Variants in FILIP1 observed in about 807,000 individuals in gnomAD.
FILIP1 encodes filamin-A-interacting protein 1.
FILIP1 carries 61 observed loss-of-function variants against 102.1 expected under a neutral mutation model. That is an observed-to-expected ratio of 0.60 (90% CI 0.49 to 0.74). The LOEUF (loss-of-function observed/expected upper bound fraction) is 0.74, where lower values mean the gene tolerates loss of function less well. Ranked by LOEUF, FILIP1 falls within the 30% of genes least tolerant of loss-of-function variation. The pLI, the probability that FILIP1 is intolerant of heterozygous loss-of-function variation, is 0.00. For missense variants in FILIP1, 1,314 were observed against 1,441.2 expected, an observed-to-expected ratio of 0.91 and a Z score of 1.43; for synonymous variants, 491 against 526.9, an observed-to-expected ratio of 0.93 and a Z score of 0.93.
chr6:75,379,700 C>T (rs1438776970), intron 2 of FILIP1, among the ~76,000 whole-genome samples: 1 of 152,184 alleles, frequency 6.6e-6, no homozygotes, highest in East Asian at 1.9e-4. Flanking sequence ...CTCAGACTCT[C>T]CAGGCACGCT....
intron 6 of FILIP1, chr6:75,296,811 G>T (rs1772695504): frequency 1.3e-5 from 2 of 152,030 alleles, no homozygotes; most frequent in Admixed American, 1.3e-4. Flanking sequence ...AAACTAGATT[G>T]AGGTAGTAAT....
intron 1 of FILIP1, among the ~76,000 whole-genome samples, chr6:75,453,694 C>T (rs902351249): frequency 6.6e-6 from 1 of 152,128 alleles, no homozygotes; most frequent in African/African-American, 2.4e-5. Context: ...CACCTCTAGT[C>T]CTAGCTACTC....
chr6:75,343,786 C>T (rs776367104), intron 4 of FILIP1, among the ~76,000 whole-genome samples: 5 of 152,142 alleles, frequency 3.3e-5, no homozygotes, highest in Non-Finnish European at 2.9e-5. Context: ...TACTATTGCA[C>T]TATAATACAT....
intron 1 of FILIP1, among the ~76,000 whole-genome samples, chr6:75,472,065 G>C (rs1213239708): frequency 1.3e-5 from 2 of 152,098 alleles, no homozygotes; most frequent in Non-Finnish European, 2.9e-5. Flanking sequence ...ACAAAGTACT[G>C]CAAGCAATTT....
chr6:75,372,782 GA>G (rs1359741398), intron 2 of FILIP1, among the ~76,000 whole-genome samples: 2 of 82,236 alleles, frequency 2.4e-5, no homozygotes, highest in East Asian at 3.0e-4. Context: ...AAGAAAGAAA[GA>G]AAGAAAGAAA....
At chr6:75,440,089 T>G (rs543841656) in intron 1 of FILIP1, among the ~76,000 whole-genome samples, 2 of 152,208 alleles carry the variant, frequency 1.3e-5, no homozygotes, top group Non-Finnish European at 2.9e-5. Flanking sequence ...ATAATTGCAT[T>G]GAGCAGATGA....
At chr6:75,416,908 A>G (rs1362899138) in intron 1 of FILIP1, among the ~76,000 whole-genome samples, 12 of 152,308 alleles carry the variant, frequency 7.9e-5, no homozygotes, top group African/African-American at 2.9e-4. Context: ...ATTATGTTAC[A>G]TGCATTTACT....
At chr6:75,407,902 G>A (rs1776930197) in intron 2 of FILIP1, among the ~76,000 whole-genome samples, 1 of 152,086 alleles carries the variant, frequency 6.6e-6, no homozygotes, top group South Asian at 2.1e-4. Context: ...GAATCATTCT[G>A]CACAAATGTC....
chr6:75,345,611 T>C (rs1264270645), intron 4 of FILIP1, among the ~76,000 whole-genome samples: 3 of 152,116 alleles, frequency 2.0e-5, no homozygotes, highest in South Asian at 2.1e-4. Flanking sequence ...GCCTTTTCCG[T>C]GCGCTATGTA....
intron 1 of FILIP1, among the ~76,000 whole-genome samples, chr6:75,441,189 C>A (rs562630607): frequency 6.6e-6 from 1 of 151,496 alleles, no homozygotes; most frequent in South Asian, 2.1e-4. Context: ...TGACTCTTAA[C>A]GAGCATGCTG....
At chr6:75,295,382 A>G (rs1388433812) in exon 7 of FILIP1, 2 of 152,212 alleles carry the variant, frequency 1.3e-5, no homozygotes, top group Non-Finnish European at 2.9e-5. Context: ...AGCAATAGTA[A>G]AACCTCTTCC....
chr6:75,415,816 C>A (rs1777248271), intron 1 of FILIP1, among the ~76,000 whole-genome samples: 3 of 152,084 alleles, frequency 2.0e-5, no homozygotes, highest in African/African-American at 7.2e-5. Context: ...ATTAACTTGT[C>A]CCATGAGAAG....
intron 4 of FILIP1, among the ~76,000 whole-genome samples, chr6:75,324,510 C>A (rs1582344880): frequency 6.6e-6 from 1 of 152,160 alleles, no homozygotes; most frequent in South Asian, 2.1e-4. Flanking sequence ...AATAACCATA[C>A]TGCCAAAGGC....
intron 1 of FILIP1, among the ~76,000 whole-genome samples, chr6:75,455,982 A>G (rs1425749816): frequency 3.3e-5 from 5 of 152,134 alleles, no homozygotes; most frequent in African/African-American, 1.2e-4. Flanking sequence ...TTATACCTTG[A>G]CGTCTTTATT....
intron 1 of FILIP1, among the ~76,000 whole-genome samples, chr6:75,436,323 T>C (rs1284547866): frequency 1.3e-5 from 2 of 151,180 alleles, no homozygotes; most frequent in Admixed American, 6.6e-5. Flanking sequence ...TGAGCCAAGA[T>C]TGCGCCACTC....
At chr6:75,462,771 G>A (rs1582545588) in intron 1 of FILIP1, among the ~76,000 whole-genome samples, 1 of 152,034 alleles carries the variant, frequency 6.6e-6, no homozygotes, top group African/African-American at 2.4e-5. Flanking sequence ...ATTGCTTTCT[G>A]GGGGTGCAGA....
intron 1 of FILIP1, among the ~76,000 whole-genome samples, chr6:75,479,862 G>T (rs575789711): frequency 2.5e-5 from 2 of 80,054 alleles, no homozygotes; most frequent in Non-Finnish European, 4.3e-5. Flanking sequence ...GAGTAAAGCT[G>T]TATCTCAAAA....
intron 2 of FILIP1, among the ~76,000 whole-genome samples, chr6:75,378,635 T>C (rs989629341): frequency 1.3e-5 from 2 of 152,210 alleles, no homozygotes; most frequent in Non-Finnish European, 2.9e-5. Flanking sequence ...ACAACTCTTC[T>C]ACTTTTTTCT....
At position 75,457,612 on chromosome 6, in the gene FILIP1, G is replaced by GTCTCTCTCTCTCTCTC. The variant is rs68150078; in HGVS notation, c.-7+35786_-7+35801dup. Among the ~76,000 whole-genome samples the GTCTCTCTCTCTCTCTC allele has an allele frequency of 1.2e-3, 172 of 142,714 alleles. 1 individual carries two copies. The highest frequency in any genetic ancestry group is 2.1e-3 in the Admixed American group (30 of 14,366). 93.6% of individuals were successfully genotyped at this position (142,714 alleles called of 152,430 possible). The stretch of plus-strand genomic sequence containing the variant: ...AAAATACCTAATTATTTCAAACAAA[G>GTCTCTCTCTCTCTCTC]TCTCTCTCTCTCTCTCTCTCTCTCT... On this transcript the variant is annotated intron_variant, in intron 1 of 5. Transcript: ENST00000237172.
Sources: allele counts gnomAD v4.1 joint callset (sites outside exome capture counted in the v4.1 genomes callset), GRCh38; gene constraint gnomAD v4.1.1; transcripts MANE v1.5; gene names NCBI Gene and HGNC (gene_info 2026-07-23, HGNC 2026-07-21).